Variants in QTMAN observed in about 807,000 individuals in gnomAD.
QTMAN encodes the protein queuosine-tRNA mannosyltransferase, also known as tRNA-queuosine alpha-mannosyltransferase.
At chr2:143,947,725 G>A in the QTMAN span, among the ~76,000 whole-genome samples, 1 of 152,196 alleles carries the variant, frequency 6.6e-6, no homozygotes, top group Non-Finnish European at 1.5e-5. Flanking sequence ...GGTTGCAAAT[G>A]AGTAGCAGAG....
At chr2:144,152,547 T>TA in the QTMAN span, among the ~76,000 whole-genome samples, 371 of 152,344 alleles carry the variant, frequency 2.4e-3, 5 homozygotes, top group African/African-American at 8.6e-3. Context: ...CCTACTATTT[T>TA]AAAAAATCTA....
At chr2:144,260,883 T>TA in the QTMAN span, among the ~76,000 whole-genome samples, 707 of 147,574 alleles carry the variant, frequency 4.8e-3, 1 homozygote, top group African/African-American at 9.4e-3. Flanking sequence ...ATATAAGATT[T>TA]AAAAAAAAAA....
At chr2:144,244,902 G>A in the QTMAN span, among the ~76,000 whole-genome samples, 9 of 152,302 alleles carry the variant, frequency 5.9e-5, no homozygotes, top group Middle Eastern at 3.4e-3. Flanking sequence ...AACGTGGAAA[G>A]AAGCAAGCTT....
the QTMAN span, among the ~76,000 whole-genome samples, chr2:144,100,266 G>A: frequency 1.4e-4 from 22 of 152,268 alleles, no homozygotes; most frequent in South Asian, 1.9e-3. Context: ...CAGAATACAC[G>A]TGTTTCAAAG....
chr2:143,962,535 C>T, the QTMAN span, among the ~76,000 whole-genome samples: 1 of 152,172 alleles, frequency 6.6e-6, no homozygotes, highest in African/African-American at 2.4e-5. Flanking sequence ...CTTGGATGTT[C>T]TAGGTTTAGA....
the QTMAN span, chr2:144,145,799 G>T: frequency 7.2e-7 from 1 of 1,384,996 alleles, no homozygotes; most frequent in Non-Finnish European, 1.0e-6. Context: ...ATCATGCTTT[G>T]CTCTTCTCTC....
chr2:144,045,107 A>G, the QTMAN span, among the ~76,000 whole-genome samples: 45 of 152,368 alleles, frequency 3.0e-4, no homozygotes, highest in African/African-American at 1.0e-3. Flanking sequence ...AGAGGGGCAC[A>G]ACCCACAAAT....
chr2:144,178,529 T>C, the QTMAN span: 1 of 153,528 alleles, frequency 6.5e-6, no homozygotes, highest in Non-Finnish European at 1.4e-5. Flanking sequence ...GTTATTTTGA[T>C]TTGTAAATTT....
the QTMAN span, among the ~76,000 whole-genome samples, chr2:143,953,266 C>T: frequency 1.3e-5 from 2 of 151,670 alleles, no homozygotes; most frequent in African/African-American, 2.4e-5. Flanking sequence ...TTAGCACTGT[C>T]GCTGTAGAAA....
At chr2:144,196,328 G>GA in the QTMAN span, among the ~76,000 whole-genome samples, 1 of 151,220 alleles carries the variant, frequency 6.6e-6, no homozygotes, top group Non-Finnish European at 1.5e-5. Context: ...TACGATAAAG[G>GA]AAAAAATAAT....
the QTMAN span, among the ~76,000 whole-genome samples, chr2:144,290,204 C>CAG: frequency 2.5e-3 from 374 of 152,092 alleles, 1 homozygote; most frequent in African/African-American, 8.6e-3. Context: ...GGGGATGGAA[C>CAG]AGAGGGTCCT....
chr2:144,068,026 T>C, the QTMAN span, among the ~76,000 whole-genome samples: 3 of 152,232 alleles, frequency 2.0e-5, no homozygotes, highest in Non-Finnish European at 2.9e-5. Flanking sequence ...ATTTTATATG[T>C]TCCCTAATTT....
chr2:144,321,394 C>T, the QTMAN span, among the ~76,000 whole-genome samples: 3 of 152,178 alleles, frequency 2.0e-5, no homozygotes, highest in South Asian at 4.1e-4. Flanking sequence ...AAGTATAATT[C>T]CACACAAAAA....
At chr2:144,102,147 C>T in the QTMAN span, among the ~76,000 whole-genome samples, 9 of 152,144 alleles carry the variant, frequency 5.9e-5, no homozygotes, top group South Asian at 1.9e-3. Context: ...AATAAAGTTT[C>T]TCTGAATCCA....
chr2:144,301,046 G>GT, the QTMAN span, among the ~76,000 whole-genome samples: 31 of 151,868 alleles, frequency 2.0e-4, no homozygotes, highest in Non-Finnish European at 3.5e-4. Context: ...AAGAAAATGG[G>GT]TTTTTTTCCT....
chr2:144,183,110 G>A, the QTMAN span, among the ~76,000 whole-genome samples: 1 of 150,038 alleles, frequency 6.7e-6, no homozygotes, highest in East Asian at 2.0e-4. Context: ...ATATTTCTGA[G>A]TTTAGATATA....
chr2:144,309,692 T>A, the QTMAN span, among the ~76,000 whole-genome samples: 114 of 152,350 alleles, frequency 7.5e-4, no homozygotes, highest in Non-Finnish European at 9.0e-4. Flanking sequence ...TACATCAATG[T>A]GTAAATCTGT....
the QTMAN span, among the ~76,000 whole-genome samples, chr2:144,213,061 T>C: frequency 6.6e-6 from 1 of 152,198 alleles, no homozygotes; most frequent in South Asian, 2.1e-4. Flanking sequence ...TAGTATTTCA[T>C]ACAAACATTT....
chr2:144,197,203 T>C, the QTMAN span, among the ~76,000 whole-genome samples: 1 of 152,086 alleles, frequency 6.6e-6, no homozygotes, highest in East Asian at 1.9e-4. Context: ...GTAAATTCTG[T>C]AGTAAAAACA....
Sources: allele counts gnomAD v4.1 joint callset (sites outside exome capture counted in the v4.1 genomes callset), GRCh38; gene constraint gnomAD v4.1.1; transcripts MANE v1.5; gene names NCBI Gene and HGNC (gene_info 2026-07-23, HGNC 2026-07-21).